Variants in PTGIS observed in about 807,000 individuals in gnomAD.
PTGIS encodes prostacyclin synthase.
PTGIS carries 45 observed loss-of-function variants against 50.3 expected under a neutral mutation model. The ratio of observed to expected loss-of-function variants is 0.90; its 90% CI spans 0.70 to 1.15. The LOEUF (loss-of-function observed/expected upper bound fraction) is 1.15, where lower values mean the gene tolerates loss of function less well. Ranked by LOEUF, PTGIS falls within the 50% of genes most tolerant of loss-of-function variation. The pLI is 0.00. For synonymous variants in PTGIS, 260 were observed against 267.7 expected (o/e 0.97, Z 0.28); for missense variants, 668 against 661.3 (o/e 1.01, Z -0.11).
chr20:49,523,766 G>A (rs534229493), intron 6 of PTGIS, among the ~76,000 whole-genome samples: 56 of 152,210 alleles, frequency 3.7e-4, no homozygotes, highest in African/African-American at 1.3e-3. Flanking sequence ...GCAACAGAGC[G>A]AGACTCTGTC....
chr20:49,531,370 A>G (rs1471923250), intron 5 of PTGIS, among the ~76,000 whole-genome samples: 1 of 152,066 alleles, frequency 6.6e-6, no homozygotes, highest in Non-Finnish European at 1.5e-5. Context: ...TTAAAGGGGG[A>G]GTCTGCATAA....
Position 49,524,112 on chromosome 20 carries a change from A to C in PTGIS, c.801T>G (p.Gly267=). 3.1e-6 allele frequency: 5 copies of C among 1,613,866 alleles called. No individual in the cohort carries two copies. The highest frequency in any genetic ancestry group is 3.4e-6 in the Non-Finnish European group (4 of 1,179,968). Reference sequence around the variant, plus strand: ...CCCGTGCCTGCATCTCCTCTGACACACCCATCTCCTCCAGGTGCAGCAGGT... The same window carrying C: ...CCCGTGCCTGCATCTCCTCTGACACCCCCATCTCCTCCAGGTGCAGCAGGT... ...ESYLLHLEEM[G]VSEEMQARAL... The change falls in exon 6 of 10, where the codon GGT becomes GGG. Residue 267 remains glycine (G), a synonymous_variant. Transcript: ENST00000244043.
chr20:49,546,219 G>T (rs980331069), intron 3 of PTGIS, among the ~76,000 whole-genome samples: 1 of 152,188 alleles, frequency 6.6e-6, no homozygotes, highest in African/African-American at 2.4e-5. Flanking sequence ...ACGCCAGCTT[G>T]TAAGAAATTC....
At chr20:49,508,474 G>A (rs986038358) in intron 9 of PTGIS, among the ~76,000 whole-genome samples, 7 of 152,170 alleles carry the variant, frequency 4.6e-5, no homozygotes, top group Admixed American at 3.9e-4. Flanking sequence ...AGCTGATACC[G>A]TGTGAGTGGA....
intron 6 of PTGIS, among the ~76,000 whole-genome samples, chr20:49,517,485 C>T (rs529695894): frequency 6.6e-6 from 1 of 152,138 alleles, no homozygotes; most frequent in South Asian, 2.1e-4. Context: ...TGTGCACACA[C>T]AACCATAAGA....
At chr20:49,541,204 G>A (rs1982217131) in intron 4 of PTGIS, among the ~76,000 whole-genome samples, 1 of 152,164 alleles carries the variant, frequency 6.6e-6, no homozygotes, top group Admixed American at 6.6e-5. Flanking sequence ...GAATCTGGCT[G>A]ACCTGCGGTC....
intron 5 of PTGIS, among the ~76,000 whole-genome samples, 163 bp from the exon 6 acceptor site, chr20:49,524,402 A>T (rs1981740862): frequency 6.6e-6 from 1 of 152,170 alleles, no homozygotes; most frequent in African/African-American, 2.4e-5. Context: ...CCACAGCAGG[A>T]AGCCCTTTCA....
At chr20:49,532,506 G>A (rs759964433) in intron 5 of PTGIS, among the ~76,000 whole-genome samples, 1 of 152,060 alleles carries the variant, frequency 6.6e-6, no homozygotes, top group East Asian at 1.9e-4. Flanking sequence ...TGTAAATTGG[G>A]ATAATAAAAG....
At chr20:49,536,999 T>C (rs1308284365) in intron 5 of PTGIS, among the ~76,000 whole-genome samples, 1 of 152,118 alleles carries the variant, frequency 6.6e-6, no homozygotes, top group Non-Finnish European at 1.5e-5. Flanking sequence ...CTGGGGCAAG[T>C]AGAAGTAACT....
At position 49,508,017 on chromosome 20, in the gene PTGIS, G is replaced by A. The variant is rs201918056; in HGVS notation, c.1406C>T (p.Ala469Val). The change falls in exon 10 of 10, where the codon GCA (alanine) becomes GTA (valine). Residue 469 changes from alanine to valine, a missense_variant. Ala to Val is a moderately conservative substitution (Grantham distance 64). Transcript: ENST00000244043. The part of the protein sequence containing the change: ...LVHLDLELIN[A>V]DVEIPEFDLS... ...GTCAAACTCAGGGATCTCCACATCT[G>A]CGTTGATCAGCTCCAAGTCCAAGTG... 1.3e-5 allele frequency: 21 copies of A among 1,613,978 alleles called. No homozygotes were observed. Among genetic ancestry groups the A allele is most frequent in the Middle Eastern group, 3.3e-4 (2 of 6,062 alleles).
In PTGIS at chr20:49,511,035, T is replaced by C; in HGVS notation, c.1351A>G (p.Ile451Val). 2 of 1,613,378 alleles carry C rather than the reference T, an allele frequency of 1.2e-6. No homozygotes were observed. The highest frequency in any genetic ancestry group is 1.7e-6 in the Non-Finnish European group (2 of 1,179,920). Reference protein sequence around the residue: ...CLGRSYAVNSIKQFVFLVLVH... With the variant: ...CLGRSYAVNSVKQFVFLVLVH... ...CCCTGGCCCCCCACTCACTGTTTGA[T>C]GCTGTTGACCGCATAACTCCTCCCC... The change falls in exon 9 of 10, where the codon ATC becomes GTC. Residue 451 changes from isoleucine to valine, a missense_variant. By Grantham distance (29) the Ile-to-Val change is conservative. Transcript: ENST00000244043.
At chr20:49,549,514 T>C (rs767775891) in intron 2 of PTGIS, among the ~76,000 whole-genome samples, 21 of 152,174 alleles carry the variant, frequency 1.4e-4, no homozygotes, top group Admixed American at 7.2e-4. Flanking sequence ...TGTATACAGA[T>C]GAAAGTTGGA....
intron 3 of PTGIS, among the ~76,000 whole-genome samples, chr20:49,547,627 A>AAAC (rs1019699588): frequency 2.0e-5 from 3 of 152,076 alleles, no homozygotes; most frequent in African/African-American, 7.3e-5. Context: ...ACAAACAAAC[A>AAAC]AACAAACAAA....
chr20:49,511,446 C>G (rs1488012979), intron 8 of PTGIS, among the ~76,000 whole-genome samples: 1 of 152,190 alleles, frequency 6.6e-6, no homozygotes, highest in Non-Finnish European at 1.5e-5. Context: ...ACACACCAAT[C>G]TTTTCATGGC....
chr20:49,543,571 G>A (rs1373222529), intron 4 of PTGIS, among the ~76,000 whole-genome samples: 1 of 152,104 alleles, frequency 6.6e-6, no homozygotes, highest in Non-Finnish European at 1.5e-5. Context: ...AGCCACACTG[G>A]CCGTCTCTCT....
At chr20:49,520,855 T>C (rs146104886) in intron 6 of PTGIS, among the ~76,000 whole-genome samples, 1 of 152,010 alleles carries the variant, frequency 6.6e-6, no homozygotes, top group Non-Finnish European at 1.5e-5. Flanking sequence ...AATAAGGTAG[T>C]TTTTGCAGAG....
rs144296026 is a variant in PTGIS at position 49,522,344 on chromosome 20, G to A, written c.855+1714C>T. Among the ~76,000 whole-genome samples the A allele has an allele frequency of 6.6e-5, 10 of 152,102 alleles. No homozygotes were observed. The East Asian group carries it at 1.5e-3, about 24-fold the overall frequency. ...CACCCCAGCTAGAGCAGACCCGAAA[G>A]TCTCTCTATTCACAGCCCTGTTTCA... On this transcript the variant is annotated intron_variant, in intron 6 of 9. Coordinates refer to ENST00000244043, the MANE Select transcript of PTGIS (RefSeq NM_000961.4).
At chr20:49,565,310 T>C (rs1043332626) in intron 1 of PTGIS, among the ~76,000 whole-genome samples, 2 of 152,180 alleles carry the variant, frequency 1.3e-5, no homozygotes, top group African/African-American at 2.4e-5. Context: ...TCTAAGACTT[T>C]TGAGTGTTCA....
chr20:49,555,815 T>C (rs1294407299), intron 1 of PTGIS, among the ~76,000 whole-genome samples: 1 of 152,214 alleles, frequency 6.6e-6, no homozygotes, highest in Non-Finnish European at 1.5e-5. Flanking sequence ...TGATTTATAA[T>C]CAGCTATAGA....
Sources: allele counts gnomAD v4.1 joint callset (sites outside exome capture counted in the v4.1 genomes callset), GRCh38; gene constraint gnomAD v4.1.1; transcripts MANE v1.5; gene names NCBI Gene and HGNC (gene_info 2026-07-23, HGNC 2026-07-21).